Variants in SALL4 observed in about 807,000 individuals in gnomAD.
SALL4 encodes spalt like transcription factor 4, also known as sal-like protein 4.
Under a neutral mutation model 60.8 loss-of-function variants are expected in SALL4, and 4 were observed. The observed-to-expected ratio is 0.07, with a 90% confidence interval of 0.03 to 0.15. The LOEUF is 0.15. SALL4 is among the 10% of genes least tolerant of loss of function. The pLI is 1.00. For missense variants in SALL4, 1,178 were observed against 1,394.7 expected (o/e 0.84, Z 2.48); for synonymous variants, 580 against 574.9 (o/e 1.01, Z -0.13).
chr20:51,790,980 G>A lies in SALL4; in HGVS notation c.1503C>T (p.Gly501=), dbSNP rs2078034947. ...CAGGCTGCAGGTCACCGGGCAAGGAGCCACCCGTGAGGTCCTTGGGATTAG... is the reference window on the plus strand; with the variant it reads ...CAGGCTGCAGGTCACCGGGCAAGGAACCACCCGTGAGGTCCTTGGGATTAG... ...SGTNPKDLTG[G]SLPGDLQPGP... The change falls in exon 2 of 4, where the codon GGC becomes GGT. Residue 501 remains glycine (G), a synonymous_variant. Transcript: ENST00000217086. The surrounding 1 kb of genome is among the most constrained non-coding windows in gnomAD (Gnocchi z 5.5). The A allele has an allele frequency of 6.8e-6, 11 of 1,614,184 alleles. No individual in the cohort carries two copies. Among genetic ancestry groups the A allele is most frequent in the South Asian group, 1.1e-5 (1 of 91,090 alleles).
chr20:51,784,767 T>C lies in SALL4; in HGVS notation c.2743-83A>G, dbSNP rs2077980613. The C allele has an allele frequency of 2.0e-6, 3 of 1,474,854 alleles. No homozygotes were observed. The South Asian group carries it at 3.4e-5, about 17-fold the overall frequency. The allele number at this position is 1,474,854 out of a possible 1,614,324, so 91.4% of individuals were successfully genotyped here. A position where few individuals can be genotyped will look rare whatever the true frequency, so the allele number is the denominator to read the frequency against. ...AGCCAAGAATCAATCTGCATATGGA[T>C]TTCATTCTACCCAGTGTTTTAACAT... On this transcript the variant is annotated intron_variant, in intron 3 of 3. Transcript: ENST00000217086.
intron 2 of SALL4, 28 bp downstream of exon 2, chr20:51,789,994 A>T: frequency 1.2e-6 from 2 of 1,614,038 alleles, no homozygotes; most frequent in South Asian, 2.2e-5. Context: ...CCCAAAATGG[A>T]CATAAGTTAA....
chr20:51,790,251 C>A lies in SALL4; in HGVS notation c.2232G>T (p.Gln744His), dbSNP rs2078025900. 2 of 1,614,172 alleles carry A rather than the reference C, an allele frequency of 1.2e-6. No homozygotes were observed. The highest frequency in any genetic ancestry group is 1.7e-6 in the Non-Finnish European group (2 of 1,180,048). ...AACCGTTTTCTCTGCTGCCCTGGCG[C>A]TGCAGGTTAAAAGGGGCAGGACCCA... ...GKVGPAPFNL[Q>H]RQGSRENGSV... Residue 744 changes from glutamine to histidine, a missense_variant, in exon 2 of 4, where the codon CAG (glutamine) becomes CAT (histidine). Around this residue, in one of 5 missense-constraint regions of SALL4, gnomAD observed 853 missense variants for 1,036.8 expected, o/e 0.82. Coordinates refer to ENST00000217086, the MANE Select transcript of SALL4 (RefSeq NM_020436.5). The surrounding 1 kb of genome is among the most constrained non-coding windows in gnomAD (Gnocchi z 5.5).
At chr20:51,795,543 T>C (rs1015796372) in intron 1 of SALL4, among the ~76,000 whole-genome samples, 6 of 152,184 alleles carry the variant, frequency 3.9e-5, no homozygotes, top group African/African-American at 1.4e-4. Context: ...CCAGCACTAG[T>C]GGGAGTGCTA....
In SALL4 at chr20:51,791,829, G is replaced by A. The variant is rs1279128011; in HGVS notation, c.654C>T (p.Ile218=). ...ANSIPWVLEQ[I]LCLQQQQLQQ... ...GTAGCTGCTGCTGCTGCAGACACAA[G>A]ATCTGCTCGAGGACCCACGGGATGC... is the stretch of plus-strand genomic sequence containing the variant. Residue 218 remains isoleucine (I), a synonymous_variant, in exon 2 of 4, where the codon ATC becomes ATT. Transcript: ENST00000217086. This position sits in a 1 kb window ranked among gnomAD's most constrained non-coding sequence, Gnocchi z 4.6. The A allele has an allele frequency of 6.2e-7, 1 of 1,614,154 alleles. No homozygotes were observed. Among genetic ancestry groups the A allele is most frequent in the Non-Finnish European group, 8.5e-7 (1 of 1,180,048 alleles).
rs2078051257 is a variant in SALL4, at chr20:51,792,255, T to C, written c.228A>G (p.Lys76=). The change falls in exon 2 of 4, where the codon AAA becomes AAG. Residue 76 remains lysine, a synonymous_variant. Coordinates refer to ENST00000217086, the MANE Select transcript of SALL4 (RefSeq NM_020436.5). ...LRREETHVCE[K]CCAEFFSISE... Reference sequence around the variant, plus strand: ...AGATGCTGAAGAACTCCGCACAGCATTTCTCACAGACGTGCGTCTCCTCCC... The same window carrying C: ...AGATGCTGAAGAACTCCGCACAGCACTTCTCACAGACGTGCGTCTCCTCCC... 18 of 1,613,720 alleles carry C rather than the reference T, an allele frequency of 1.1e-5. No individual in the cohort carries two copies. Among genetic ancestry groups the C allele is most frequent in the Non-Finnish European group, 1.5e-5 (18 of 1,180,034 alleles).
rs2078007179 is a variant in SALL4 at position 51,788,334 on chromosome 20, TG to T, written c.2742+526del. 6.7e-6 allele frequency among the ~76,000 whole-genome samples: 1 copy of T among 150,214 alleles called. No individual in the cohort carries two copies. Among genetic ancestry groups the T allele is most frequent in the African/African-American group, 2.5e-5 (1 of 40,632 alleles). ...CATGCCCAACTAATTTGTGTGTGTG[TG>T]TGTGTGTGTGTGTGTGTGTGTGTAA... On this transcript the variant is annotated intron_variant, in intron 3 of 3. Coordinates refer to ENST00000217086, the MANE Select transcript of SALL4 (RefSeq NM_020436.5). The surrounding 1 kb of genome is among the most constrained non-coding windows in gnomAD (Gnocchi z 4.1).
intron 2 of SALL4, among the ~76,000 whole-genome samples, chr20:51,789,549 C>T (rs2078019376): frequency 6.6e-6 from 1 of 152,074 alleles, no homozygotes; most frequent in Admixed American, 6.5e-5. Flanking sequence ...GTTCATCTTT[C>T]CCTGCTTCAA....
chr20:51,800,075 A>C (rs772434028), intron 1 of SALL4, among the ~76,000 whole-genome samples: 1 of 152,184 alleles, frequency 6.6e-6, no homozygotes, highest in Non-Finnish European at 1.5e-5. Context: ...TTCTCTCCCA[A>C]GGAGGCAATT....
rs144614042 is a variant in SALL4, at chr20:51,788,483, G to A, written c.2742+378C>T. Among the ~76,000 whole-genome samples, 1,017 of 152,218 alleles carry A rather than the reference G, an allele frequency of 6.7e-3. 14 individuals carry two copies. The highest frequency in any genetic ancestry group is 0.023 in the African/African-American group (966 of 41,550). ...AGGCAGGCGGATCACGAGATCAGGAGATCGAGACCATCCTGGCTAACGCGG... is the reference window on the plus strand; with the variant it reads ...AGGCAGGCGGATCACGAGATCAGGAAATCGAGACCATCCTGGCTAACGCGG... On this transcript the variant is annotated intron_variant, in intron 3 of 3. Transcript: ENST00000217086. This position sits in a 1 kb window ranked among gnomAD's most constrained non-coding sequence, Gnocchi z 4.1.
At position 51,783,934 on chromosome 20, in the gene SALL4, C is replaced by T; in HGVS notation, c.*331G>A. ...ACTCTGGAGGCTAAGGCAGGAGAATCACTTGAACCCAGAATGGGGAGGTTG... is the reference window on the plus strand; with the variant it reads ...ACTCTGGAGGCTAAGGCAGGAGAATTACTTGAACCCAGAATGGGGAGGTTG... On this transcript the variant is annotated 3_prime_UTR_variant, in exon 4 of 4. Transcript: ENST00000217086. 3.0e-6 allele frequency: 1 copy of T among 334,814 alleles called. No homozygotes were observed. Among genetic ancestry groups the T allele is most frequent in the Non-Finnish European group, 5.7e-6 (1 of 174,712 alleles). 20.7% of individuals were successfully genotyped at this position (334,814 alleles called of 1,614,324 possible). A position where few individuals can be genotyped will look rare whatever the true frequency, so the allele number is the denominator to read the frequency against.
At position 51,790,468 on chromosome 20, in the gene SALL4, G is replaced by C. The variant is rs1324546090; in HGVS notation, c.2015C>G (p.Thr672Ser). 6.2e-7 allele frequency: 1 copy of C among 1,613,986 alleles called. No individual in the cohort carries two copies. The highest frequency in any genetic ancestry group is 1.3e-5 in the African/African-American group (1 of 74,916). Residue 672 changes from threonine (T) to serine (S), a missense_variant, in exon 2 of 4, where the codon ACC (threonine) becomes AGC (serine). Around this residue, in one of 5 missense-constraint regions of SALL4, gnomAD observed 853 missense variants for 1,036.8 expected, o/e 0.82. Transcript: ENST00000217086. This position sits in a 1 kb window ranked among gnomAD's most constrained non-coding sequence, Gnocchi z 5.5. ...GCCGGTGCTGCCGTTCTCACCCACG[G>C]TCATTGGCTCAGAACCCGTAAAGTC... ...PCDFTGSEPM[T>S]VGENGSTGAI...
rs2077963684 is a variant in SALL4 at position 51,782,793 on chromosome 20, A to AAAATCATCTTGAACGT, written c.*1456_*1471dup. On this transcript the variant is annotated 3_prime_UTR_variant, in exon 4 of 4. Transcript: ENST00000217086. Reference sequence around the variant, plus strand: ...AAACTACAAAAAAAAAAGGCATCACAAAATCATCTTGAACGTTCACCTCTT... The same window carrying AAAATCATCTTGAACGT: ...AAACTACAAAAAAAAAAGGCATCACAAAATCATCTTGAACGTAAATCATCTTGAACGTTCACCTCTT... 1 of 152,134 alleles carries AAAATCATCTTGAACGT rather than the reference A, an allele frequency of 6.6e-6. No individual in the cohort carries two copies. 9.4% of individuals were successfully genotyped at this position (152,134 alleles called of 1,614,324 possible). A position where few individuals can be genotyped will look rare whatever the true frequency, so the allele number is the denominator to read the frequency against.
rs1391842345 is a variant in SALL4 at position 51,802,428 on chromosome 20, C to G, written c.-20G>C. The G allele has an allele frequency of 6.2e-7, 1 of 1,612,484 alleles. No individual in the cohort carries two copies. Among genetic ancestry groups the G allele is most frequent in the Non-Finnish European group, 8.5e-7 (1 of 1,179,854 alleles). ...CGACATGGTGCGAGCATCGGGGCGC[C>G]GGGAGAGCCGCAGTTATTTGCCCTC... On this transcript the variant is annotated 5_prime_UTR_variant, in exon 1 of 4. Coordinates refer to ENST00000217086, the MANE Select transcript of SALL4 (RefSeq NM_020436.5).
intron 3 of SALL4, among the ~76,000 whole-genome samples, chr20:51,785,006 GA>G (rs1399860785): frequency 6.6e-6 from 1 of 152,076 alleles, no homozygotes; most frequent in African/African-American, 2.4e-5. Flanking sequence ...CATGAGCACT[GA>G]AACAGCTCAT....
chr20:51,792,411 G>C, intron 1 of SALL4, 59 bp from the exon 2 acceptor site: 5 of 1,585,156 alleles, frequency 3.2e-6, no homozygotes, highest in Non-Finnish European at 4.3e-6. Flanking sequence ...GGGGGGAGCC[G>C]GGCACCGTCG....
chr20:51,802,262 GC>G lies in SALL4; in HGVS notation c.130+16del. The G allele has an allele frequency of 6.3e-7, 1 of 1,578,382 alleles. No homozygotes were observed. Among genetic ancestry groups the G allele is most frequent in the Non-Finnish European group, 8.6e-7 (1 of 1,161,606 alleles). On this transcript the variant is annotated intron_variant, in intron 1 of 3. Transcript: ENST00000217086. ...GGGAAGCTCCCCTCCCCGGGCGGGC[GC>G]CCCAGCCCCACTCACCCAGCTCCCC... is the stretch of plus-strand genomic sequence containing the variant.
chr20:51,793,452 C>A lies in SALL4; in HGVS notation c.131-1100G>T, dbSNP rs538293724. Among the ~76,000 whole-genome samples the A allele has an allele frequency of 2.6e-5, 4 of 152,028 alleles. No homozygotes were observed. In the South Asian group the frequency reaches 8.3e-4, roughly 32 times the overall value. Reference sequence around the variant, plus strand: ...CTCCAGCCTGGGTGACAGAGTGAGACCCTGTCTGGAAAAAAAAAGTACAAA... The same window carrying A: ...CTCCAGCCTGGGTGACAGAGTGAGAACCTGTCTGGAAAAAAAAAGTACAAA... On this transcript the variant is annotated intron_variant, in intron 1 of 3. Coordinates refer to ENST00000217086, the MANE Select transcript of SALL4 (RefSeq NM_020436.5).
In SALL4 at chr20:51,796,872, CAT is replaced by C. The variant is rs371050472; in HGVS notation, c.131-4522_131-4521del. On this transcript the variant is annotated intron_variant, in intron 1 of 3. Transcript: ENST00000217086. ...ACTTATAAAGTTCTAATATCACAAACATATTATATACATTTATCTCCTTTGGA... is the reference window on the plus strand; with the variant it reads ...ACTTATAAAGTTCTAATATCACAAACATTATATACATTTATCTCCTTTGGA... 1.3e-4 allele frequency among the ~76,000 whole-genome samples: 20 copies of C among 152,146 alleles called. No individual in the cohort carries two copies. In the South Asian group the frequency reaches 2.1e-3, roughly 16 times the overall value.
Sources: allele counts gnomAD v4.1 joint callset (sites outside exome capture counted in the v4.1 genomes callset), GRCh38; gene constraint gnomAD v4.1.1; regional missense constraint gnomAD v4.1.1; non-coding constraint Gnocchi (gnomAD v3.1); transcripts MANE v1.5; gene names NCBI Gene and HGNC (gene_info 2026-07-23, HGNC 2026-07-21).